Variants in R3HDM2 observed in about 807,000 individuals in gnomAD.
R3HDM2 encodes the protein R3H domain-containing protein 2.
Under a neutral mutation model 124.5 loss-of-function variants are expected in R3HDM2, and 38 were observed. The ratio of observed to expected loss-of-function variants is 0.31; its 90% CI spans 0.24 to 0.40. The LOEUF (loss-of-function observed/expected upper bound fraction) is 0.40, where lower values mean the gene tolerates loss of function less well. Among genes scored for constraint, R3HDM2 ranks in the 10% least tolerant of loss-of-function variants. The pLI is 1.00. For missense variants in R3HDM2, 869 were observed against 1,236.9 expected (o/e 0.70, Z 4.46); for synonymous variants, 391 against 448.0 (o/e 0.87, Z 1.61).
intron 2 of R3HDM2, among the ~76,000 whole-genome samples, chr12:57,395,499 A>G (rs1023808600): frequency 2.6e-5 from 4 of 151,644 alleles, no homozygotes; most frequent in Non-Finnish European, 5.9e-5. Flanking sequence ...GCAAAACTTC[A>G]TCTCAAAAAA....
intron 1 of R3HDM2, among the ~76,000 whole-genome samples, chr12:57,417,073 C>CTG (rs1298281959): frequency 6.7e-6 from 1 of 150,058 alleles, no homozygotes; most frequent in East Asian, 2.0e-4. Context: ...AGCCGAGATC[C>CTG]CACCACTGCA....
chr12:57,318,603 G>A (rs938630407), intron 2 of R3HDM2, among the ~76,000 whole-genome samples: 2 of 150,728 alleles, frequency 1.3e-5, no homozygotes, highest in Admixed American at 6.6e-5. Context: ...AGCTGAGATC[G>A]TGCCACCGCA....
At chr12:57,320,287 A>AAAAAAAAAAAAAAAC (rs1566135789) in intron 2 of R3HDM2, among the ~76,000 whole-genome samples, 2 of 147,564 alleles carry the variant, frequency 1.4e-5, no homozygotes, top group Non-Finnish European at 3.0e-5. Flanking sequence ...AAAAAAAAAA[A>AAAAAAAAAAAAAAAC]AGCCTTAAAC....
At chr12:57,269,510 A>C (rs2043146823) in intron 15 of R3HDM2, 61 bp from the exon 16 acceptor site, 1 of 1,589,770 alleles carries the variant, frequency 6.3e-7, no homozygotes, top group Non-Finnish European at 8.6e-7. Context: ...ACATCAGCAT[A>C]CTACTATAAA....
chr12:57,281,830 A>G, intron 13 of R3HDM2, among the ~76,000 whole-genome samples: 1 of 152,212 alleles, frequency 6.6e-6, no homozygotes, highest in Non-Finnish European at 1.5e-5. Context: ...CCACATGACA[A>G]TTATAATCTG....
chr12:57,366,160 A>G (rs950668061), intron 2 of R3HDM2, among the ~76,000 whole-genome samples: 3 of 151,854 alleles, frequency 2.0e-5, no homozygotes, highest in Admixed American at 6.6e-5. Context: ...TTGTCTATCT[A>G]TGTTTTCATT....
At chr12:57,361,373 C>A (rs564979270) in intron 2 of R3HDM2, among the ~76,000 whole-genome samples, 37 of 44,604 alleles carry the variant, frequency 8.3e-4, no homozygotes, top group African/African-American at 2.0e-3. Flanking sequence ...GAAACTCTGT[C>A]TCAAAAAAAA....
At chr12:57,380,283 T>C (rs1489053859) in intron 2 of R3HDM2, among the ~76,000 whole-genome samples, 1 of 152,224 alleles carries the variant, frequency 6.6e-6, no homozygotes, top group Non-Finnish European at 1.5e-5. Context: ...TCCATTTTTA[T>C]CTTTCTGATG....
chr12:57,273,101 T>G (rs1212379407), intron 14 of R3HDM2, among the ~76,000 whole-genome samples: 1 of 152,020 alleles, frequency 6.6e-6, no homozygotes, highest in Non-Finnish European at 1.5e-5. Context: ...ACAAGGATCA[T>G]CTCCCTCCCA....
chr12:57,308,867 C>T lies in R3HDM2; in HGVS notation c.165+1397G>A, dbSNP rs190379576. Reference sequence around the variant, plus strand: ...ACAGCACATAATGAAACATTCATCACTTATCTGTCCTGAATATTTAAAATT... The same window carrying T: ...ACAGCACATAATGAAACATTCATCATTTATCTGTCCTGAATATTTAAAATT... On this transcript the variant is annotated intron_variant, in intron 3 of 23. Coordinates refer to ENST00000402412, the MANE Select transcript of R3HDM2 (RefSeq NM_001394031.1). Among the ~76,000 whole-genome samples the T allele has an allele frequency of 6.6e-5, 10 of 152,294 alleles. No individual in the cohort carries two copies. In the East Asian group the frequency reaches 1.9e-3, roughly 29 times the overall value.
chr12:57,370,477 C>T (rs2137922283), intron 2 of R3HDM2, among the ~76,000 whole-genome samples: 1 of 145,644 alleles, frequency 6.9e-6, no homozygotes, highest in Non-Finnish European at 1.5e-5. Context: ...CCCATCTCTA[C>T]TAAAAATACA....
intron 2 of R3HDM2, among the ~76,000 whole-genome samples, chr12:57,337,821 T>C (rs1566232839): frequency 2.0e-5 from 3 of 152,222 alleles, no homozygotes; most frequent in African/African-American, 7.2e-5. Flanking sequence ...GCTATCTTTC[T>C]CAACTAATAA....
At chr12:57,388,567 A>G (rs1379654069) in intron 2 of R3HDM2, among the ~76,000 whole-genome samples, 2 of 152,178 alleles carry the variant, frequency 1.3e-5, no homozygotes, top group Admixed American at 1.3e-4. Flanking sequence ...GACAATGTCA[A>G]GGTTGCAGTG....
rs116687428 is a variant in R3HDM2 at position 57,399,958 on chromosome 12, A to G, written c.-105-4140T>C. ...CGCTGATTCATCCTGATGGACTGAC[A>G]AGTCACTGACTTGCCAAAGAATCTT... On this transcript the variant is annotated intron_variant, in intron 1 of 23. Coordinates refer to ENST00000402412, the MANE Select transcript of R3HDM2 (RefSeq NM_001394031.1). Among the ~76,000 whole-genome samples the G allele has an allele frequency of 5.0e-3, 768 of 152,298 alleles. 4 individuals are homozygous for G. Among genetic ancestry groups the G allele is most frequent in the African/African-American group, 0.018 (731 of 41,556 alleles).
chr12:57,281,070 G>A (rs1266253439), intron 13 of R3HDM2, among the ~76,000 whole-genome samples: 2 of 152,072 alleles, frequency 1.3e-5, no homozygotes, highest in African/African-American at 2.4e-5. Flanking sequence ...ATCACCTGAG[G>A]TCAGGAGTTT....
At position 57,269,784 on chromosome 12, in the gene R3HDM2, G is replaced by A; in HGVS notation, c.1555C>T (p.Pro519Ser). 6.2e-7 allele frequency: 1 copy of A among 1,614,212 alleles called. No individual in the cohort carries two copies. Among genetic ancestry groups the A allele is most frequent in the Non-Finnish European group, 8.5e-7 (1 of 1,180,036 alleles). Residue 519 changes from proline to serine, a missense_variant, in exon 15 of 24, where the codon CCA (proline) becomes TCA (serine). Physicochemically the swap from Pro to Ser is moderately conservative, Grantham distance 74. Around this residue, in one of 2 missense-constraint regions of R3HDM2, gnomAD observed 602 missense variants for 789.2 expected, o/e 0.76. Transcript: ENST00000402412. Reference protein sequence around the residue: ...SHAPPTQQVLPPQGYMQPPQQ... With the variant: ...SHAPPTQQVLSPQGYMQPPQQ... ...GGGGGCTGCATGTACCCCTGGGGTG[G>A]CAGAACTTGCTGAGTAGGTGGTGCA...
At chr12:57,306,234 C>T (rs1466204426) in intron 3 of R3HDM2, among the ~76,000 whole-genome samples, 1 of 152,166 alleles carries the variant, frequency 6.6e-6, no homozygotes, top group Non-Finnish European at 1.5e-5. Context: ...CACAATATAA[C>T]ATGCTGAGAA....
chr12:57,380,652 T>C (rs529504248), intron 2 of R3HDM2, among the ~76,000 whole-genome samples: 1 of 152,288 alleles, frequency 6.6e-6, no homozygotes, highest in South Asian at 2.1e-4. Context: ...CAAAATGCTA[T>C]GAACAAAATA....
intron 2 of R3HDM2, among the ~76,000 whole-genome samples, chr12:57,330,033 C>T (rs1030735587): frequency 6.6e-6 from 1 of 152,082 alleles, no homozygotes; most frequent in African/African-American, 2.4e-5. Context: ...GAGGTGCGAT[C>T]TCGGCTCACC....
Sources: gnomAD v4.1 joint callset for allele counts (sites outside exome capture counted in the v4.1 genomes callset) on GRCh38, gnomAD v4.1.1 for gene constraint, gnomAD v4.1.1 regional missense constraint, MANE v1.5 for transcripts, NCBI Gene and HGNC (gene_info 2026-07-23, HGNC 2026-07-21) for gene names.